Variants in SHANK2 observed in about 807,000 individuals in gnomAD.
SHANK2 encodes SH3 and multiple ankyrin repeat domains protein 2.
In SHANK2, 43 loss-of-function variants were observed where a neutral mutation model predicts 133.7. That is an observed-to-expected ratio of 0.32 (90% CI 0.25 to 0.41). The LOEUF (loss-of-function observed/expected upper bound fraction) is 0.41, where lower values mean the gene tolerates loss of function less well. SHANK2 is among the 10% of genes least tolerant of loss of function. The pLI, the probability that SHANK2 is intolerant of heterozygous loss-of-function variation, is 1.00. For missense variants in SHANK2, 1,994 were observed against 2,235.8 expected (o/e 0.89, Z 2.18); for synonymous variants, 1,017 against 952.8 (o/e 1.07, Z -1.24).
intron 2 of SHANK2, among the ~76,000 whole-genome samples, chr11:71,206,872 T>C (rs1432941892): frequency 3.3e-5 from 5 of 152,080 alleles, no homozygotes; most frequent in African/African-American, 4.8e-5. Flanking sequence ...GGCCAGGAGT[T>C]TGAAACCATC....
chr11:70,714,954 C>T (rs143341087), intron 14 of SHANK2, among the ~76,000 whole-genome samples: 33 of 151,662 alleles, frequency 2.2e-4, no homozygotes, highest in Non-Finnish European at 3.2e-4. Flanking sequence ...TATAGGTGTG[C>T]ACCACCACAC....
chr11:70,630,228 G>A (rs1408563728), intron 17 of SHANK2, among the ~76,000 whole-genome samples: 1 of 152,224 alleles, frequency 6.6e-6, no homozygotes, highest in Non-Finnish European at 1.5e-5. Flanking sequence ...GACCTTGCAG[G>A]TGCCCTGAGG....
chr11:71,083,170 G>A (rs1951324479), intron 8 of SHANK2, among the ~76,000 whole-genome samples: 1 of 152,112 alleles, frequency 6.6e-6, no homozygotes, highest in South Asian at 2.1e-4. Flanking sequence ...TGAACTTCTA[G>A]GCTCAAGTGA....
rs1555114888 is a variant in SHANK2 at position 71,188,803 on chromosome 11, G to C, written c.-13+35894C>G. ...AGATAACTACGACCACCTCCAAATGGAGCTAAGGCCTACGTGGTTTCTCAG... is the reference window on the plus strand; with the variant it reads ...AGATAACTACGACCACCTCCAAATGCAGCTAAGGCCTACGTGGTTTCTCAG... On this transcript the variant is annotated intron_variant, in intron 2 of 25. Coordinates refer to ENST00000601538, the MANE Select transcript of SHANK2 (RefSeq NM_012309.5). This position sits in a 1 kb window ranked among gnomAD's most constrained non-coding sequence, Gnocchi z 4.6. 6.6e-6 allele frequency among the ~76,000 whole-genome samples: 1 copy of C among 152,182 alleles called. No homozygotes were observed. Among genetic ancestry groups the C allele is most frequent in the African/African-American group, 2.4e-5 (1 of 41,446 alleles).
chr11:71,207,712 C>T (rs1299913191), intron 2 of SHANK2, among the ~76,000 whole-genome samples: 1 of 152,208 alleles, frequency 6.6e-6, no homozygotes, highest in Non-Finnish European at 1.5e-5. Context: ...CCAGGGCCAG[C>T]TGCCCCGTGT....
intron 14 of SHANK2, among the ~76,000 whole-genome samples, chr11:70,718,700 C>CTTTTTTTTTTTTTTTT (rs60414874): frequency 3.1e-5 from 4 of 129,810 alleles, no homozygotes; most frequent in African/African-American, 6.4e-5. Context: ...AGCTCATTCT[C>CTTTTTTTTTTTTTTTT]TTTTTTTTTT....
intron 11 of SHANK2, among the ~76,000 whole-genome samples, chr11:70,825,866 T>G (rs1218539883): frequency 1.3e-5 from 2 of 152,236 alleles, no homozygotes; most frequent in Non-Finnish European, 2.9e-5. Context: ...TTAGGCAATC[T>G]GCACTCTAAA....
chr11:70,551,995 C>T lies in SHANK2; in HGVS notation c.2062-49064G>A, dbSNP rs567233826. Among the ~76,000 whole-genome samples the T allele has an allele frequency of 7.3e-4, 111 of 152,364 alleles. 1 individual carries two copies. Among genetic ancestry groups the T allele is most frequent in the South Asian group, 3.9e-3 (19 of 4,826 alleles). The stretch of plus-strand genomic sequence containing the variant: ...GCCCGTGGGGGTGTGAGCTTCCTCC[C>T]TCCTGGGGTCTGTACATTTTATTGG... On this transcript the variant is annotated intron_variant, in intron 17 of 25. Coordinates refer to ENST00000601538, the MANE Select transcript of SHANK2 (RefSeq NM_012309.5).
chr11:70,747,900 C>T (rs1038039597), intron 14 of SHANK2, among the ~76,000 whole-genome samples: 8 of 152,240 alleles, frequency 5.3e-5, no homozygotes, highest in African/African-American at 1.2e-4. Flanking sequence ...ATAGCACACA[C>T]ATGAGCATAC....
Position 71,199,407 on chromosome 11 carries a change from G to A in SHANK2, c.-13+25290C>T, listed in dbSNP as rs143470430. 1.7e-3 allele frequency among the ~76,000 whole-genome samples: 256 copies of A among 152,324 alleles called. 2 individuals are homozygous for A. Among genetic ancestry groups the A allele is most frequent in the African/African-American group, 6.0e-3 (248 of 41,566 alleles). On this transcript the variant is annotated intron_variant, in intron 2 of 25. Coordinates refer to ENST00000601538, the MANE Select transcript of SHANK2 (RefSeq NM_012309.5). ...CAAATGGGCAGGCAGGAGCCAGACC[G>A]AATGAAATGTGACCTGCCGTAGAGG...
intron 2 of SHANK2, among the ~76,000 whole-genome samples, chr11:71,201,434 C>T (rs1284642896): frequency 6.6e-6 from 1 of 152,244 alleles, no homozygotes; most frequent in Non-Finnish European, 1.5e-5. Flanking sequence ...AGGGTGATCA[C>T]CACGCTGTGT....
chr11:70,695,587 C>T (rs1945375498), intron 15 of SHANK2, among the ~76,000 whole-genome samples: 1 of 152,182 alleles, frequency 6.6e-6, no homozygotes, highest in African/African-American at 2.4e-5. Context: ...CCATCCTCAC[C>T]GCGGGAGGGT....
chr11:70,522,386 C>T (rs1350102238), intron 17 of SHANK2, among the ~76,000 whole-genome samples: 4 of 152,336 alleles, frequency 2.6e-5, no homozygotes, highest in African/African-American at 7.2e-5. Flanking sequence ...GAAAAAGATA[C>T]AAGAAAGTAC....
At chr11:70,790,240 G>A (rs931126848) in intron 14 of SHANK2, among the ~76,000 whole-genome samples, 4 of 152,322 alleles carry the variant, frequency 2.6e-5, no homozygotes, top group African/African-American at 4.8e-5. Context: ...TGGAAGATGC[G>A]GAAGGCAGTC....
intron 14 of SHANK2, among the ~76,000 whole-genome samples, chr11:70,783,784 T>C (rs190440512): frequency 6.5e-4 from 99 of 152,282 alleles, no homozygotes; most frequent in African/African-American, 2.3e-3. Flanking sequence ...TCTGTATGCT[T>C]GTTACGCGCC....
chr11:71,163,694 T>C (rs1197856988), intron 2 of SHANK2, among the ~76,000 whole-genome samples: 1 of 152,196 alleles, frequency 6.6e-6, no homozygotes, highest in Non-Finnish European at 1.5e-5. Flanking sequence ...TTTCAAAAGA[T>C]AGTTTGCTTG....
chr11:70,539,501 ACCACGCTCACTCG>A lies in SHANK2; in HGVS notation c.2062-36583_2062-36571del, dbSNP rs1321273402. Among the ~76,000 whole-genome samples the A allele has an allele frequency of 4.4e-5, 6 of 137,764 alleles. 1 individual carries two copies. In the South Asian group the frequency reaches 1.5e-3, roughly 35 times the overall value. 90.4% of individuals were successfully genotyped at this position (137,764 alleles called of 152,430 possible). A position where few individuals can be genotyped will look rare whatever the true frequency, so the allele number is the denominator to read the frequency against. ...CACAGAAAGCTCACTCGCCACGCTC[ACCACGCTCACTCG>A]CCACGCTCACCACGCTCACTCGCCA... is the stretch of plus-strand genomic sequence containing the variant. On this transcript the variant is annotated intron_variant, in intron 17 of 25. Transcript: ENST00000601538.
At position 70,763,676 on chromosome 11, in the gene SHANK2, T is replaced by A. The variant is rs556881490; in HGVS notation, c.1777+34767A>T. ...GCCTGGCTCTGAGCCTGTTGGGCCA[T>A]ATGGATGCCCGATGCATAATGGTCT... On this transcript the variant is annotated intron_variant, in intron 14 of 25. Transcript: ENST00000601538. Among the ~76,000 whole-genome samples the A allele has an allele frequency of 6.0e-4, 92 of 152,232 alleles. No homozygotes were observed. The Middle Eastern group carries it at 0.01, about 17-fold the overall frequency.
At chr11:71,194,888 C>T (rs1473240826) in intron 2 of SHANK2, among the ~76,000 whole-genome samples, 1 of 152,176 alleles carries the variant, frequency 6.6e-6, no homozygotes, top group Non-Finnish European at 1.5e-5. Context: ...CCCAGCGCTA[C>T]ATCCACCCCA....
Sources: allele counts gnomAD v4.1 joint callset (sites outside exome capture counted in the v4.1 genomes callset), GRCh38; gene constraint gnomAD v4.1.1; non-coding constraint Gnocchi (gnomAD v3.1); transcripts MANE v1.5; gene names NCBI Gene and HGNC (gene_info 2026-07-23, HGNC 2026-07-21).